Variants in TATDN1 observed in about 807,000 individuals in gnomAD.
TATDN1 encodes the protein TatD DNase domain containing 1.
TATDN1 carries 40 observed loss-of-function variants against 46.4 expected under a neutral mutation model. That is an observed-to-expected ratio of 0.86 (90% CI 0.67 to 1.12). The LOEUF is 1.12. Ranked by LOEUF, TATDN1 falls within the 50% of genes most tolerant of loss-of-function variation. The pLI is 0.00. For missense variants in TATDN1, 326 were observed against 348.4 expected, an observed-to-expected ratio of 0.94 and a Z score of 0.51; for synonymous variants, 95 against 105.6, an observed-to-expected ratio of 0.90 and a Z score of 0.62.
At position 124,523,862 on chromosome 8, in the gene TATDN1, GT is replaced by G. The variant is rs1820263304; in HGVS notation, c.23-861del. On this transcript the variant is annotated intron_variant, in intron 1 of 11. Transcript: ENST00000276692. ...AGACTCAGTTATGGTACAGACACTT[GT>G]TTTTAAAATACTGGATGCAACAGAA... Among the ~76,000 whole-genome samples the G allele has an allele frequency of 6.6e-5, 10 of 152,150 alleles. 1 individual carries two copies. The South Asian group carries it at 2.1e-3, about 32-fold the overall frequency.
chr8:124,500,177 T>A (rs1366340999), intron 9 of TATDN1, among the ~76,000 whole-genome samples: 1 of 152,188 alleles, frequency 6.6e-6, no homozygotes, highest in Admixed American at 6.5e-5. Flanking sequence ...AATTCTAATT[T>A]AACTTTTAGG....
At chr8:124,504,895 C>T (rs1429756919) in intron 8 of TATDN1, among the ~76,000 whole-genome samples, 3 of 150,266 alleles carry the variant, frequency 2.0e-5, no homozygotes, top group Non-Finnish European at 3.0e-5. Context: ...TACAAGCATG[C>T]GCCACCACGC....
intron 1 of TATDN1, among the ~76,000 whole-genome samples, chr8:124,533,034 C>T (rs756298173): frequency 3.3e-5 from 5 of 152,062 alleles, no homozygotes. Flanking sequence ...GGGCAGATGA[C>T]GAGGTCAGGA....
At chr8:124,536,722 G>T (rs1321744854) in intron 1 of TATDN1, among the ~76,000 whole-genome samples, 1 of 152,176 alleles carries the variant, frequency 6.6e-6, no homozygotes. Flanking sequence ...TGTGAAGCTT[G>T]TTCCAGGGAT....
At chr8:124,511,621 C>A (rs1819024170) in intron 6 of TATDN1, among the ~76,000 whole-genome samples, 2 of 151,846 alleles carry the variant, frequency 1.3e-5, no homozygotes, top group South Asian at 2.1e-4. Context: ...GTAGATCAGG[C>A]CTTTCCTTGT....
At chr8:124,516,599 A>G (rs1247443566) in intron 4 of TATDN1, among the ~76,000 whole-genome samples, 1 of 152,032 alleles carries the variant, frequency 6.6e-6, no homozygotes, top group Non-Finnish European at 1.5e-5. Flanking sequence ...CTGAGCCACC[A>G]TGACCAGCAC....
Position 124,515,907 on chromosome 8 carries a change from G to A in TATDN1, c.326C>T (p.Ala109Val), listed in dbSNP as rs757597019. The A allele has an allele frequency of 7.4e-6, 12 of 1,613,882 alleles. No homozygotes were observed. The highest frequency in any genetic ancestry group is 5.0e-5 in the Admixed American group (3 of 59,984). The change falls in exon 5 of 12, where the codon GCA (alanine) becomes GTA (valine). Residue 109 changes from alanine to valine, a missense_variant. Ala to Val is a moderately conservative substitution (Grantham distance 64, BLOSUM62 0). Coordinates refer to ENST00000276692, the MANE Select transcript of TATDN1 (RefSeq NM_032026.4). ...LAENNKGKVV[A>V]IGECGLDFDR... ...CTCACCAAGTCCGCATTCTCCTATT[G>A]CCACAACTTTCCCTTTATTGTTTTC...
At chr8:124,492,531 G>A (rs1817101630) in intron 11 of TATDN1, among the ~76,000 whole-genome samples, 1 of 151,738 alleles carries the variant, frequency 6.6e-6, no homozygotes. Context: ...TAGCACTTTG[G>A]GAGGCTGAGG....
chr8:124,534,168 AAAAAAAAAAAAG>A (rs1821229987), intron 1 of TATDN1, among the ~76,000 whole-genome samples: 1 of 148,954 alleles, frequency 6.7e-6, no homozygotes, highest in Non-Finnish European at 1.5e-5. Context: ...AAAAAAAAAA[AAAAAAAAAAAAG>A]AAATGCGCTA....
chr8:124,530,636 A>G (rs1222928552), intron 1 of TATDN1, among the ~76,000 whole-genome samples: 3 of 152,236 alleles, frequency 2.0e-5, no homozygotes, highest in Non-Finnish European at 4.4e-5. Context: ...CTACAGGAAC[A>G]AAGCAATGAT....
In TATDN1 at chr8:124,515,883, T is replaced by G; in HGVS notation, c.346+4A>C. The G allele has an allele frequency of 6.2e-7, 1 of 1,614,044 alleles. No homozygotes were observed. The highest frequency in any genetic ancestry group is 1.1e-5 in the South Asian group (1 of 91,030). ...TCACTCTAAGAGGCGAGGCTGGCAC[T>G]CACCAAGTCCGCATTCTCCTATTGC... On this transcript the variant is annotated splice_donor_region_variant and intron_variant, in intron 5 of 11. Coordinates refer to ENST00000276692, the MANE Select transcript of TATDN1 (RefSeq NM_032026.4).
chr8:124,492,257 G>A (rs893935817), intron 11 of TATDN1, among the ~76,000 whole-genome samples: 1 of 152,156 alleles, frequency 6.6e-6, no homozygotes, highest in Non-Finnish European at 1.5e-5. Context: ...TTACAGATGT[G>A]AGCCACCATG....
chr8:124,502,760 T>A (rs1818086769), intron 9 of TATDN1, among the ~76,000 whole-genome samples: 1 of 152,240 alleles, frequency 6.6e-6, no homozygotes, highest in Non-Finnish European at 1.5e-5. Flanking sequence ...TTTCCTGGAT[T>A]AACCTCCCTC....
At chr8:124,495,670 T>C in intron 9 of TATDN1, 128 bp from the exon 10 acceptor site, 1 of 673,696 alleles carries the variant, frequency 1.5e-6, no homozygotes, top group Non-Finnish European at 2.5e-6. Flanking sequence ...CAGTATACTT[T>C]GGAAAGTATT....
chr8:124,520,324 C>G (rs759073367), intron 3 of TATDN1, among the ~76,000 whole-genome samples: 32 of 151,766 alleles, frequency 2.1e-4, no homozygotes, highest in Non-Finnish European at 4.4e-4. Context: ...GTAGTCCCAG[C>G]TACTTGGGAG....
chr8:124,509,999 C>A lies in TATDN1; in HGVS notation c.390-1311G>T, dbSNP rs1467680805. On this transcript the variant is annotated intron_variant, in intron 6 of 11. Transcript: ENST00000276692. ...TGAGCTGAGATTGTACCACTGCACT[C>A]CAGCCTGGGTGAGAGAGCAACATTC... Among the ~76,000 whole-genome samples the A allele has an allele frequency of 2.0e-5, 3 of 149,396 alleles. No homozygotes were observed. In the Admixed American group the frequency reaches 2.0e-4, roughly 10 times the overall value.
At chr8:124,492,488 T>C (rs548514300) in intron 11 of TATDN1, among the ~76,000 whole-genome samples, 1 of 152,162 alleles carries the variant, frequency 6.6e-6, no homozygotes, top group South Asian at 2.1e-4. Flanking sequence ...CCCCAAAAAA[T>C]TGGCTGGGTG....
intron 4 of TATDN1, 78 bp downstream of exon 4, chr8:124,518,740 A>G (rs1366629930): frequency 1.0e-6 from 1 of 977,860 alleles, no homozygotes; most frequent in Middle Eastern, 2.1e-4. Flanking sequence ...ATTGTATTGT[A>G]CCTGAAGCAG....
At chr8:124,506,846 C>T (rs1818482923) in intron 8 of TATDN1, among the ~76,000 whole-genome samples, 1 of 151,968 alleles carries the variant, frequency 6.6e-6, no homozygotes, top group Admixed American at 6.6e-5. Context: ...GGCAGGTTTC[C>T]AAAGGAGTCC....
Sources: gnomAD v4.1 joint callset for allele counts (sites outside exome capture counted in the v4.1 genomes callset) on GRCh38, gnomAD v4.1.1 for gene constraint, MANE v1.5 for transcripts, NCBI Gene and HGNC (gene_info 2026-07-23, HGNC 2026-07-21) for gene names.